The following RAPGEF2 variants were observed in gnomAD, a reference collection of about 807,000 sequenced individuals.
RAPGEF2 encodes the protein Rap guanine nucleotide exchange factor 2, also known as PDZ domain containing guanine nucleotide exchange factor (GEF) 1.
In RAPGEF2, 54 loss-of-function variants were observed where a neutral mutation model predicts 186.7. The observed-to-expected ratio is 0.29, with a 90% confidence interval of 0.23 to 0.36. RAPGEF2 has a LOEUF of 0.36. RAPGEF2 is among the 10% of genes least tolerant of loss of function. The pLI is 1.00. For synonymous variants in RAPGEF2, 712 were observed against 705.9 expected, an observed-to-expected ratio of 1.01 and a Z score of -0.14; for missense variants, 1,532 against 2,045.0, an observed-to-expected ratio of 0.75 and a Z score of 4.84.
intron 7 of RAPGEF2, among the ~76,000 whole-genome samples, chr4:159,248,363 T>TA (rs1283236138): frequency 1.3e-5 from 2 of 152,154 alleles, no homozygotes; most frequent in Non-Finnish European, 2.9e-5. Context: ...TTTACTAAAA[T>TA]TTATTGTTTG....
chr4:159,215,001 T>C (rs1750867874), intron 4 of RAPGEF2, among the ~76,000 whole-genome samples: 1 of 152,174 alleles, frequency 6.6e-6, no homozygotes, highest in South Asian at 2.1e-4. Context: ...TAGTTGGTAT[T>C]ACAGGTGCCT....
At chr4:159,290,582 T>C (rs1761068474) in intron 7 of RAPGEF2, among the ~76,000 whole-genome samples, 1 of 152,198 alleles carries the variant, frequency 6.6e-6, no homozygotes, top group Non-Finnish European at 1.5e-5. Flanking sequence ...GAATGTACTT[T>C]CTAAGAGAGT....
chr4:159,322,766 T>G (rs537534443), intron 10 of RAPGEF2, among the ~76,000 whole-genome samples: 16 of 152,256 alleles, frequency 1.1e-4, no homozygotes, highest in South Asian at 4.2e-4. Flanking sequence ...GAAAGGCACT[T>G]CTTACATGGC....
At chr4:159,217,029 G>T (rs925167514) in intron 4 of RAPGEF2, among the ~76,000 whole-genome samples, 1 of 151,912 alleles carries the variant, frequency 6.6e-6, no homozygotes, top group Non-Finnish European at 1.5e-5. Context: ...CCGGTGCTGC[G>T]TGATAAGTTA....
chr4:159,122,038 CAAAAAAAAAA>C (rs70962654), intron 1 of RAPGEF2, among the ~76,000 whole-genome samples: 3 of 51,436 alleles, frequency 5.8e-5, no homozygotes, highest in South Asian at 1.7e-3. Context: ...GACTCCATCT[CAAAAAAAAAA>C]AAAAAAAAAA....
intron 7 of RAPGEF2, among the ~76,000 whole-genome samples, chr4:159,253,379 G>A (rs1049788176): frequency 6.6e-6 from 1 of 152,180 alleles, no homozygotes; most frequent in Non-Finnish European, 1.5e-5. Context: ...GGGTTAAACA[G>A]TCTTCTGAAT....
intron 7 of RAPGEF2, among the ~76,000 whole-genome samples, chr4:159,298,374 G>T (rs1561235563): frequency 1.3e-5 from 2 of 152,100 alleles, no homozygotes; most frequent in African/African-American, 2.4e-5. Context: ...GTTATGAAAG[G>T]AGCCAAAATT....
At chr4:159,281,861 A>C (rs1759766795) in intron 7 of RAPGEF2, among the ~76,000 whole-genome samples, 1 of 152,080 alleles carries the variant, frequency 6.6e-6, no homozygotes, top group Non-Finnish European at 1.5e-5. Context: ...TAAATGAGAA[A>C]ACTGGAGTTC....
intron 1 of RAPGEF2, among the ~76,000 whole-genome samples, chr4:159,185,722 G>C (rs1747489416): frequency 6.6e-6 from 1 of 152,070 alleles, no homozygotes; most frequent in Non-Finnish European, 1.5e-5. Context: ...TTGGGTTGGT[G>C]AAAATGTTCT....
chr4:159,251,909 C>T (rs746921069), intron 7 of RAPGEF2, among the ~76,000 whole-genome samples: 3 of 151,916 alleles, frequency 2.0e-5, no homozygotes, highest in Admixed American at 6.6e-5. Context: ...CTGCGGCTCA[C>T]GCTTTGGGTC....
At chr4:159,217,677 A>G (rs1751114115) in intron 4 of RAPGEF2, among the ~76,000 whole-genome samples, 1 of 152,190 alleles carries the variant, frequency 6.6e-6, no homozygotes, top group African/African-American at 2.4e-5. Context: ...ATACCCAGTA[A>G]TGGGATGGCT....
At chr4:159,240,111 T>C (rs1378265046) in intron 5 of RAPGEF2, among the ~76,000 whole-genome samples, 1 of 152,118 alleles carries the variant, frequency 6.6e-6, no homozygotes. Context: ...TCTTAGATAT[T>C]TCCTTGAGAT....
At chr4:159,323,657 A>T (rs1266882203) in intron 11 of RAPGEF2, 40 bp downstream of exon 11, 1 of 1,207,076 alleles carries the variant, frequency 8.3e-7, no homozygotes, top group Non-Finnish European at 1.1e-6. Flanking sequence ...TTTATTCTTA[A>T]TAAAGAACAC....
chr4:159,185,465 A>G (rs1747461357), intron 1 of RAPGEF2, among the ~76,000 whole-genome samples: 1 of 152,232 alleles, frequency 6.6e-6, no homozygotes, highest in South Asian at 2.1e-4. Context: ...ATATATCTAC[A>G]ATGAAATAAT....
chr4:159,128,950 A>G (rs1217415944), intron 1 of RAPGEF2: 19 of 144,150 alleles, frequency 1.3e-4, no homozygotes, highest in African/African-American at 5.0e-4. Context: ...GTGTGTATAT[A>G]TATATATATA....
chr4:159,345,651 C>G (rs932765313), intron 24 of RAPGEF2, among the ~76,000 whole-genome samples: 1 of 152,150 alleles, frequency 6.6e-6, no homozygotes, highest in East Asian at 1.9e-4. Context: ...ACATGTCTTA[C>G]GTTCTCACAA....
chr4:159,204,589 A>C (rs1278041052), intron 3 of RAPGEF2, among the ~76,000 whole-genome samples: 12 of 152,140 alleles, frequency 7.9e-5, no homozygotes, highest in African/African-American at 2.9e-4. Flanking sequence ...ATCATTTTAT[A>C]ATGGTCTGTA....
intron 3 of RAPGEF2, among the ~76,000 whole-genome samples, chr4:159,210,245 G>A (rs1750390046): frequency 6.6e-6 from 1 of 152,096 alleles, no homozygotes; most frequent in South Asian, 2.1e-4. Context: ...AACTTAGAAT[G>A]GTAGATGCTA....
chr4:159,267,060 G>C, intron 7 of RAPGEF2: 1 of 757,584 alleles, frequency 1.3e-6, no homozygotes, highest in Non-Finnish European at 1.8e-6. Flanking sequence ...TGTACCATTT[G>C]AGCTGAATAT....
Sources: gnomAD v4.1 joint callset for allele counts (sites outside exome capture counted in the v4.1 genomes callset) on GRCh38, gnomAD v4.1.1 for gene constraint, MANE v1.5 for transcripts, NCBI Gene and HGNC (gene_info 2026-07-23, HGNC 2026-07-21) for gene names.